TSGA10IP: variants seen among roughly 807,000 people sequenced by gnomAD.
The protein encoded by TSGA10IP is testis-specific protein 10-interacting protein.
Under a neutral mutation model 63.2 loss-of-function variants are expected in TSGA10IP, and 64 were observed. That is an observed-to-expected ratio of 1.01 (90% CI 0.83 to 1.25). TSGA10IP has a LOEUF of 1.25. Among genes scored for constraint, TSGA10IP ranks in the 50% most tolerant of loss-of-function variants. The pLI is 0.00. For synonymous variants in TSGA10IP, 316 were observed against 298.3 expected (o/e 1.06, Z -0.61); for missense variants, 681 against 710.1 (o/e 0.96, Z 0.47).
At chr11:65,958,288 C>T (rs1242032260) in intron 5 of TSGA10IP, among the ~76,000 whole-genome samples, 2 of 152,194 alleles carry the variant, frequency 1.3e-5, no homozygotes, top group Middle Eastern at 3.2e-3. Flanking sequence ...CCCAGTGGAA[C>T]CCTGATCTCT....
chr11:65,958,133 C>G (rs748495156), intron 5 of TSGA10IP, among the ~76,000 whole-genome samples: 1 of 151,996 alleles, frequency 6.6e-6, no homozygotes, highest in Non-Finnish European at 1.5e-5. Context: ...TTTGTAGAGA[C>G]AGGATTTCAC....
chr11:65,955,367 A>G (rs1028586267), intron 5 of TSGA10IP, among the ~76,000 whole-genome samples: 16 of 152,236 alleles, frequency 1.1e-4, no homozygotes, highest in African/African-American at 3.9e-4. Flanking sequence ...ACACTTTGGG[A>G]AGCCGAGGTA....
chr11:65,950,560 ATTT>A (rs35025045), intron 4 of TSGA10IP, among the ~76,000 whole-genome samples: 2 of 142,104 alleles, frequency 1.4e-5, no homozygotes, highest in African/African-American at 5.2e-5. Context: ...TGCCTGGCTA[ATTT>A]TTTTTTTTTT....
At chr11:65,948,709 C>A (rs1854890592) in intron 4 of TSGA10IP, among the ~76,000 whole-genome samples, 2 of 152,294 alleles carry the variant, frequency 1.3e-5, no homozygotes, top group East Asian at 1.9e-4. Context: ...CGTGGTGGCT[C>A]ACGCCTATAA....
intron 7 of TSGA10IP, among the ~76,000 whole-genome samples, chr11:65,959,552 C>A (rs1855081135): frequency 6.6e-6 from 1 of 152,212 alleles, no homozygotes; most frequent in Non-Finnish European, 1.5e-5. Context: ...GACTCTGCAA[C>A]CATCTGAGCG....
At chr11:65,951,885 C>T (rs1386957631) in intron 4 of TSGA10IP, among the ~76,000 whole-genome samples, 38 of 148,560 alleles carry the variant, frequency 2.6e-4, no homozygotes, top group African/African-American at 9.3e-4. Flanking sequence ...AGCCTCACTT[C>T]GTCACCCAGG....
At position 65,948,055 on chromosome 11, in the gene TSGA10IP, G is replaced by A. The variant is rs750562368; in HGVS notation, c.1058G>A (p.Arg353Gln). ...AGGGCTGCCTTCCAGGCCTCCAAGC[G>A]GAATGGAAAGGCCTATGCCTCGGGA... The change falls in exon 4 of 8, where the codon CGG (arginine) becomes CAG (glutamine). Residue 353 changes from arginine (R) to glutamine (Q), a missense_variant. Physicochemically the swap from Arg to Gln is conservative, Grantham distance 43. Transcript: ENST00000532620. 3.2e-5 allele frequency: 50 copies of A among 1,578,468 alleles called. No individual in the cohort carries two copies. In the East Asian group the frequency reaches 5.3e-4, roughly 17 times the overall value.
intron 6 of TSGA10IP, 83 bp from the exon 7 acceptor site, chr11:65,959,107 C>T: frequency 5.7e-6 from 9 of 1,569,206 alleles, no homozygotes; most frequent in Non-Finnish European, 6.9e-6. Flanking sequence ...TCTGGAATCC[C>T]TGGGACCCCC....
At chr11:65,954,839 A>T (rs35351016) in intron 5 of TSGA10IP, among the ~76,000 whole-genome samples, 1 of 148,828 alleles carries the variant, frequency 6.7e-6, no homozygotes, top group Admixed American at 6.7e-5. Context: ...AAAAAAGCCC[A>T]CCCTGAGGAC....
intron 4 of TSGA10IP, among the ~76,000 whole-genome samples, chr11:65,951,518 T>TTTATTATTATTATTATTATTATTA (rs4013981): frequency 7.9e-5 from 11 of 139,112 alleles, no homozygotes; most frequent in African/African-American, 2.4e-4. Context: ...ATTTGCTTAT[T>TTTATTATTATTATTATTATTATTA]TTATTATTAT....
chr11:65,951,644 C>A (rs972248292), intron 4 of TSGA10IP, among the ~76,000 whole-genome samples: 1 of 151,388 alleles, frequency 6.6e-6, no homozygotes, highest in Non-Finnish European at 1.5e-5. Flanking sequence ...CACAAGTGAC[C>A]CTCTCACCTC....
At chr11:65,945,983 G>T (rs1854824667) in intron 1 of TSGA10IP, 161 bp downstream of exon 1, 1 of 825,602 alleles carries the variant, frequency 1.2e-6, no homozygotes, top group African/African-American at 1.7e-5. Context: ...AGGCCTAAGG[G>T]CCTTGGGAGA....
chr11:65,946,327 G>GCATGAAGGTTA (rs1178458944), intron 1 of TSGA10IP, among the ~76,000 whole-genome samples: 75 of 152,170 alleles, frequency 4.9e-4, no homozygotes, highest in Non-Finnish European at 9.0e-4. Flanking sequence ...GGAAGGTTAC[G>GCATGAAGGTTA]TGTGTTTATG....
intron 5 of TSGA10IP, among the ~76,000 whole-genome samples, chr11:65,955,063 C>T (rs952466732): frequency 5.3e-5 from 8 of 152,208 alleles, no homozygotes; most frequent in Non-Finnish European, 7.4e-5. Context: ...ACCATCAAAA[C>T]GAGGAAAATG....
At chr11:65,947,314 G>A in exon 3 of TSGA10IP, 1 of 1,612,352 alleles carries the variant, frequency 6.2e-7, no homozygotes, top group Non-Finnish European at 8.5e-7. Flanking sequence ...GCTGCTGGAA[G>A]ACAGAGGCGC....
chr11:65,954,797 G>A (rs1445154814), intron 5 of TSGA10IP, among the ~76,000 whole-genome samples: 3 of 144,574 alleles, frequency 2.1e-5, no homozygotes, highest in East Asian at 2.0e-4. Context: ...CAGCCTGGGC[G>A]ACAGAGCAAA....
chr11:65,955,250 T>C lies in TSGA10IP; in HGVS notation c.1322+1513T>C, dbSNP rs112822121. Among the ~76,000 whole-genome samples, 44 of 151,748 alleles carry C rather than the reference T, an allele frequency of 2.9e-4. 2 individuals are homozygous for C. The highest frequency in any genetic ancestry group is 9.7e-4 in the African/African-American group (40 of 41,386). On this transcript the variant is annotated intron_variant, in intron 5 of 7. Coordinates refer to ENST00000532620, the Ensembl canonical transcript of TSGA10IP. Reference sequence around the variant, plus strand: ...CTTTTGTTTTTTTTTTCCTGGGCTGTGCTAGGTATGAGGGAACTTGTAGCC... The same window carrying C: ...CTTTTGTTTTTTTTTTCCTGGGCTGCGCTAGGTATGAGGGAACTTGTAGCC...
exon 4 of TSGA10IP, chr11:65,948,109 T>A: frequency 6.2e-7 from 1 of 1,600,596 alleles, no homozygotes; most frequent in Non-Finnish European, 8.5e-7. Flanking sequence ...TCTGCCAACC[T>A]CCCTAATCGC....
At chr11:65,956,675 G>A (rs1231918784) in intron 5 of TSGA10IP, among the ~76,000 whole-genome samples, 6 of 152,036 alleles carry the variant, frequency 3.9e-5, no homozygotes, top group Non-Finnish European at 5.9e-5. Context: ...CCACAGGTGC[G>A]CGCCACCACA....
Sources: gnomAD v4.1 joint callset for allele counts (sites outside exome capture counted in the v4.1 genomes callset) on GRCh38, gnomAD v4.1.1 for gene constraint, MANE v1.5 for transcripts, NCBI Gene and HGNC (gene_info 2026-07-23, HGNC 2026-07-21) for gene names.